Variants in ZBTB7C observed in about 807,000 individuals in gnomAD.
ZBTB7C encodes the protein zinc finger and BTB domain containing 7C.
A neutral mutation model predicts 25.7 loss-of-function variants in ZBTB7C; 8 were observed. The observed-to-expected ratio is 0.31, with a 90% CI of 0.18 to 0.56. The LOEUF (loss-of-function observed/expected upper bound fraction) is 0.56. Ranked by LOEUF, ZBTB7C falls within the 20% of genes least tolerant of loss-of-function variation. The pLI is 0.91. For missense variants in ZBTB7C, 824 were observed against 855.2 expected (o/e 0.96, Z 0.46); for synonymous variants, 394 against 369.0 (o/e 1.07, Z -0.78).
chr18:48,223,393 C>A (rs930443852), intron 2 of ZBTB7C, among the ~76,000 whole-genome samples: 1 of 152,164 alleles, frequency 6.6e-6, no homozygotes, highest in African/African-American at 2.4e-5. Flanking sequence ...TTAACCAATG[C>A]CCCCCAACCC....
chr18:48,291,243 G>A (rs2144687450), intron 2 of ZBTB7C, among the ~76,000 whole-genome samples: 1 of 152,288 alleles, frequency 6.6e-6, no homozygotes, highest in South Asian at 2.1e-4. Flanking sequence ...CCCATCCCAG[G>A]CCTCTCATCT....
chr18:48,084,970 C>T (rs1188450976), intron 3 of ZBTB7C, among the ~76,000 whole-genome samples: 1 of 152,164 alleles, frequency 6.6e-6, no homozygotes, highest in Non-Finnish European at 1.5e-5. Context: ...ATCAAACCTT[C>T]ATTCCTTTGG....
In ZBTB7C at chr18:48,308,128, C is replaced by T. The variant is rs117083386; in HGVS notation, c.-79+30046G>A. On this transcript the variant is annotated intron_variant, in intron 2 of 4. Coordinates refer to ENST00000590800, the MANE Select transcript of ZBTB7C (RefSeq NM_001318841.2). ...CCAGCCATGTATGGCCATGTGAGTTCCCATGTCAGCCATGCAAGGCCATCC... is the reference window on the plus strand; with the variant it reads ...CCAGCCATGTATGGCCATGTGAGTTTCCATGTCAGCCATGCAAGGCCATCC... Among the ~76,000 whole-genome samples the T allele has an allele frequency of 8.5e-4, 129 of 152,210 alleles. 3 individuals carry two copies. In the East Asian group the frequency reaches 0.025, roughly 29 times the overall value.
chr18:48,126,351 G>A (rs2039798354), intron 3 of ZBTB7C, among the ~76,000 whole-genome samples: 1 of 152,200 alleles, frequency 6.6e-6, no homozygotes, highest in Non-Finnish European at 1.5e-5. Flanking sequence ...TGATACCCTG[G>A]GGCTTGAAGA....
chr18:48,243,090 C>T (rs2043574548), intron 2 of ZBTB7C, among the ~76,000 whole-genome samples: 1 of 151,944 alleles, frequency 6.6e-6, no homozygotes. Flanking sequence ...CAGCAAAACC[C>T]CATCTCCACT....
At chr18:48,317,360 C>G (rs979731391) in intron 2 of ZBTB7C, among the ~76,000 whole-genome samples, 1 of 151,996 alleles carries the variant, frequency 6.6e-6, no homozygotes, top group Admixed American at 6.6e-5. Context: ...AAAGCTAAAG[C>G]CTTTAGTGGA....
intron 2 of ZBTB7C, among the ~76,000 whole-genome samples, chr18:48,189,661 G>C (rs1014795730): frequency 2.0e-5 from 3 of 152,136 alleles, no homozygotes; most frequent in African/African-American, 4.8e-5. Context: ...GGATAGATAC[G>C]GCATAAGTTC....
chr18:48,167,563 GGTGTGT>G lies in ZBTB7C; in HGVS notation c.-17+18365_-17+18370del, dbSNP rs748451365. 8.1e-4 allele frequency among the ~76,000 whole-genome samples: 116 copies of G among 142,576 alleles called. No homozygotes were observed. The Middle Eastern group carries it at 0.011, about 14-fold the overall frequency. The allele number at this position is 142,576 out of a possible 152,430, so 93.5% of individuals were successfully genotyped here. A position where few individuals can be genotyped will look rare whatever the true frequency, so the allele number is the denominator to read the frequency against. On this transcript the variant is annotated intron_variant, in intron 3 of 4. Coordinates refer to ENST00000590800, the MANE Select transcript of ZBTB7C (RefSeq NM_001318841.2). ...TAAATGCAGGCCACTGCATTGCTAG[GGTGTGT>G]GTGTGTGTGTGTGTGTGTGTGTGTG...
At chr18:48,284,808 AAAAC>A (rs1212832162) in intron 2 of ZBTB7C, among the ~76,000 whole-genome samples, 28 of 133,520 alleles carry the variant, frequency 2.1e-4, no homozygotes, top group Non-Finnish European at 4.0e-4. Flanking sequence ...AAAAAAAAAA[AAAAC>A]AGAGAGAGAG....
chr18:48,078,976 T>C (rs553973759), intron 3 of ZBTB7C, among the ~76,000 whole-genome samples: 18 of 152,374 alleles, frequency 1.2e-4, no homozygotes, highest in African/African-American at 4.1e-4. Context: ...ACATTCGGTT[T>C]AGTTTTGACT....
At chr18:48,051,267 G>A (rs929233609) in intron 3 of ZBTB7C, among the ~76,000 whole-genome samples, 6 of 152,244 alleles carry the variant, frequency 3.9e-5, no homozygotes, top group African/African-American at 4.8e-5. Context: ...CCCAAGGGAT[G>A]GGCAGATGGG....
chr18:48,301,914 C>T (rs1045412129), intron 2 of ZBTB7C, among the ~76,000 whole-genome samples: 3 of 152,098 alleles, frequency 2.0e-5, no homozygotes, highest in Admixed American at 6.5e-5. Context: ...GCTAGAGCAG[C>T]GCTCTGATGG....
intron 2 of ZBTB7C, among the ~76,000 whole-genome samples, chr18:48,230,952 G>C (rs1460292993): frequency 6.6e-6 from 1 of 152,210 alleles, no homozygotes; most frequent in East Asian, 1.9e-4. Flanking sequence ...AGCTGGGTAT[G>C]TGCATGCTCA....
At chr18:48,405,964 C>T (rs976692611) in intron 1 of ZBTB7C, among the ~76,000 whole-genome samples, 2 of 152,120 alleles carry the variant, frequency 1.3e-5, no homozygotes, top group African/African-American at 2.4e-5. Context: ...CTGGGGTTCA[C>T]TCCAGTACCC....
intron 2 of ZBTB7C, among the ~76,000 whole-genome samples, chr18:48,215,331 T>A (rs1030108675): frequency 6.6e-6 from 1 of 152,106 alleles, no homozygotes; most frequent in African/African-American, 2.4e-5. Flanking sequence ...CTGAGCCAAA[T>A]GGGAAGACAC....
chr18:48,345,047 T>C (rs1330798561), intron 1 of ZBTB7C, among the ~76,000 whole-genome samples: 3 of 152,232 alleles, frequency 2.0e-5, no homozygotes, highest in African/African-American at 7.2e-5. Flanking sequence ...GTGCATTAAA[T>C]CTTCTCAGTC....
At chr18:48,167,612 G>A (rs533217640) in intron 3 of ZBTB7C, among the ~76,000 whole-genome samples, 5 of 149,490 alleles carry the variant, frequency 3.3e-5, no homozygotes, top group South Asian at 2.1e-4. Flanking sequence ...GCGTGCACAC[G>A]CGCATGCGCC....
intron 3 of ZBTB7C, among the ~76,000 whole-genome samples, chr18:48,051,129 T>C (rs910503992): frequency 2.2e-4 from 34 of 152,136 alleles, no homozygotes; most frequent in African/African-American, 7.7e-4. Flanking sequence ...CCTTTCTCCA[T>C]CTCCTCTACA....
chr18:48,214,076 A>T (rs2042766893), intron 2 of ZBTB7C, among the ~76,000 whole-genome samples: 2 of 152,256 alleles, frequency 1.3e-5, no homozygotes, highest in African/African-American at 4.8e-5. Flanking sequence ...CACAGGGTAG[A>T]CTTGGAAAGA....
Sources: allele counts gnomAD v4.1 joint callset (sites outside exome capture counted in the v4.1 genomes callset), GRCh38; gene constraint gnomAD v4.1.1; transcripts MANE v1.5; gene names NCBI Gene and HGNC (gene_info 2026-07-23, HGNC 2026-07-21).